SPATA16: variants seen among roughly 807,000 people sequenced by gnomAD.
SPATA16 encodes the protein spermatogenesis associated 16, also known as spermatogenesis-associated protein 16.
A neutral mutation model predicts 63.3 loss-of-function variants in SPATA16; 36 were observed. The observed-to-expected ratio is 0.57, with a 90% confidence interval of 0.44 to 0.75. SPATA16 has a LOEUF of 0.75. Ranked by LOEUF, SPATA16 falls within the 30% of genes least tolerant of loss-of-function variation. The probability of loss-of-function intolerance (pLI) is 0.00; values close to 1 mark genes in which losing one functional copy is unlikely to be tolerated. For synonymous variants in SPATA16, 203 were observed against 216.7 expected, an observed-to-expected ratio of 0.94 and a Z score of 0.56; for missense variants, 646 against 679.3, an observed-to-expected ratio of 0.95 and a Z score of 0.54.
At chr3:173,006,845 GA>G (rs1249755908) in intron 4 of SPATA16, among the ~76,000 whole-genome samples, 13 of 145,578 alleles carry the variant, frequency 8.9e-5, no homozygotes, top group East Asian at 2.0e-4. Flanking sequence ...TGTAAGCCAA[GA>G]AAAAAAAAAG....
intron 10 of SPATA16, among the ~76,000 whole-genome samples, chr3:172,899,564 A>G (rs752751303): frequency 7.9e-5 from 12 of 152,060 alleles, no homozygotes; most frequent in African/African-American, 2.7e-4. Context: ...TTTGGGTCAT[A>G]TTCTGAAGTC....
intron 3 of SPATA16, among the ~76,000 whole-genome samples, chr3:173,042,458 C>T (rs906522270): frequency 1.1e-4 from 17 of 152,186 alleles, no homozygotes; most frequent in African/African-American, 4.1e-4. Flanking sequence ...TCCTCCTGAC[C>T]TCAGCGATCC....
In SPATA16 at chr3:172,942,905, C is replaced by A. The variant is rs569805715; in HGVS notation, c.1081+13772G>T. Among the ~76,000 whole-genome samples the A allele has an allele frequency of 1.2e-3, 171 of 147,996 alleles. 1 individual carries two copies. Among genetic ancestry groups the A allele is most frequent in the African/African-American group, 4.5e-3 (167 of 37,446 alleles). On this transcript the variant is annotated intron_variant, in intron 6 of 10. Transcript: ENST00000351008. The stretch of plus-strand genomic sequence containing the variant: ...AGCTAAACGTTTCTATACATTCAGA[C>A]ATTAAAAACTGTGTATTTAAGTAAG...
intron 3 of SPATA16, among the ~76,000 whole-genome samples, chr3:173,040,854 G>T (rs1735823419): frequency 6.6e-6 from 1 of 152,064 alleles, no homozygotes; most frequent in Non-Finnish European, 1.5e-5. Context: ...CACACGGTGG[G>T]TGTTCAATGA....
intron 5 of SPATA16, among the ~76,000 whole-genome samples, chr3:172,963,461 A>T (rs1027912871): frequency 6.8e-4 from 103 of 151,972 alleles, no homozygotes; most frequent in African/African-American, 2.5e-3. Context: ...ATATAATATT[A>T]AATTTAAAGT....
chr3:172,929,948 T>C (rs1732830646), intron 6 of SPATA16, among the ~76,000 whole-genome samples: 1 of 152,222 alleles, frequency 6.6e-6, no homozygotes, highest in African/African-American at 2.4e-5. Context: ...TTATTCTGGC[T>C]TAAAAATTTG....
In SPATA16 at chr3:172,898,211, C is replaced by G. The variant is rs183935507; in HGVS notation, c.1588-8519G>C. On this transcript the variant is annotated intron_variant, in intron 10 of 10. Transcript: ENST00000351008. The stretch of plus-strand genomic sequence containing the variant: ...GAGAGATTGGTTTGTAGATTTTTTG[C>G]GTACTATTTTTGTCCCATTTGGTAC... Among the ~76,000 whole-genome samples the G allele has an allele frequency of 3.3e-3, 498 of 151,806 alleles. 4 individuals are homozygous for G. Among genetic ancestry groups the G allele is most frequent in the African/African-American group, 0.011 (464 of 41,464 alleles).
intron 6 of SPATA16, among the ~76,000 whole-genome samples, chr3:172,949,178 T>A (rs1431749835): frequency 1.1e-4 from 16 of 152,100 alleles, no homozygotes; most frequent in Admixed American, 1.0e-3. Context: ...TAAAATGGAT[T>A]TTTTTATGTG....
intron 3 of SPATA16, among the ~76,000 whole-genome samples, chr3:173,024,501 C>G (rs34661269): frequency 8.2e-4 from 123 of 150,788 alleles, no homozygotes; most frequent in South Asian, 1.7e-3. Flanking sequence ...TTCCTTTGAT[C>G]TTTTGTATTG....
chr3:172,982,455 T>G (rs1474375396), intron 4 of SPATA16, among the ~76,000 whole-genome samples: 1 of 152,236 alleles, frequency 6.6e-6, no homozygotes, highest in Non-Finnish European at 1.5e-5. Context: ...ATTTTTTACA[T>G]GATGCCTTCA....
intron 4 of SPATA16, among the ~76,000 whole-genome samples, chr3:172,994,615 T>C (rs571240551): frequency 6.6e-6 from 1 of 152,230 alleles, no homozygotes; most frequent in African/African-American, 2.4e-5. Context: ...TATAAGATAA[T>C]TTTTAATTTT....
chr3:173,063,514 C>T (rs916862013), intron 2 of SPATA16, among the ~76,000 whole-genome samples: 4 of 152,132 alleles, frequency 2.6e-5, no homozygotes, highest in Non-Finnish European at 5.9e-5. Flanking sequence ...AGTGAGCAGC[C>T]TGGTCAGCCA....
At chr3:173,051,424 G>C (rs191693292) in intron 2 of SPATA16, among the ~76,000 whole-genome samples, 1 of 152,032 alleles carries the variant, frequency 6.6e-6, no homozygotes, top group Non-Finnish European at 1.5e-5. Context: ...GGATGACCTC[G>C]GTCTTCTGAC....
chr3:173,080,190 C>A (rs956068031), intron 2 of SPATA16, among the ~76,000 whole-genome samples: 1 of 152,064 alleles, frequency 6.6e-6, no homozygotes, highest in African/African-American at 2.4e-5. Context: ...TTTGGCACTG[C>A]CATAAAGTAA....
rs137946530 is a variant in SPATA16, at chr3:172,957,595, C to T, written c.934-771G>A. Reference sequence around the variant, plus strand: ...AATGAGGCTTGAACATTGAATAAAACGTGGAAGTGTCTATGGTTACCTCAG... The same window carrying T: ...AATGAGGCTTGAACATTGAATAAAATGTGGAAGTGTCTATGGTTACCTCAG... On this transcript the variant is annotated intron_variant, in intron 5 of 10. Coordinates refer to ENST00000351008, the MANE Select transcript of SPATA16 (RefSeq NM_031955.6). Among the ~76,000 whole-genome samples, 540 of 152,208 alleles carry T rather than the reference C, an allele frequency of 3.5e-3. 2 individuals carry two copies. The highest frequency in any genetic ancestry group is 7.3e-3 in the South Asian group (35 of 4,826).
intron 3 of SPATA16, among the ~76,000 whole-genome samples, chr3:173,033,342 A>T (rs1253204243): frequency 6.6e-6 from 1 of 152,158 alleles, no homozygotes; most frequent in Non-Finnish European, 1.5e-5. Context: ...GTCTGGTAAA[A>T]GCTGTTAGTA....
At chr3:172,955,175 T>A (rs1019240589) in intron 6 of SPATA16, among the ~76,000 whole-genome samples, 6 of 152,206 alleles carry the variant, frequency 3.9e-5, no homozygotes, top group African/African-American at 7.2e-5. Flanking sequence ...TCCGAACTAT[T>A]AATTAATCTT....
chr3:172,911,188 C>T (rs764565340), intron 10 of SPATA16, among the ~76,000 whole-genome samples: 9 of 152,184 alleles, frequency 5.9e-5, no homozygotes, highest in Non-Finnish European at 1.2e-4. Flanking sequence ...GTAGTAGCAG[C>T]CAAATTTAGT....
intron 4 of SPATA16, among the ~76,000 whole-genome samples, chr3:172,977,885 G>T: frequency 6.6e-6 from 1 of 152,054 alleles, no homozygotes; most frequent in Non-Finnish European, 1.5e-5. Context: ...CTATGACTGT[G>T]TACCCCTGAA....
Sources: allele counts gnomAD v4.1 joint callset (sites outside exome capture counted in the v4.1 genomes callset), GRCh38; gene constraint gnomAD v4.1.1; transcripts MANE v1.5; gene names NCBI Gene and HGNC (gene_info 2026-07-23, HGNC 2026-07-21).